Variants in RCBTB2 observed in about 807,000 individuals in gnomAD.
RCBTB2 encodes RCC1 and BTB domain containing protein 2, also known as RCC1 and BTB domain-containing protein 2.
A neutral mutation model predicts 65.4 loss-of-function variants in RCBTB2; 55 were observed. The observed-to-expected ratio is 0.84, with a 90% CI of 0.68 to 1.05. RCBTB2 has a LOEUF of 1.05. RCBTB2 is among the 50% of genes least tolerant of loss of function. The pLI is 0.00. For synonymous variants in RCBTB2, 220 were observed against 255.2 expected, an observed-to-expected ratio of 0.86 and a Z score of 1.31; for missense variants, 599 against 680.1, an observed-to-expected ratio of 0.88 and a Z score of 1.33.
intron 14 of RCBTB2, among the ~76,000 whole-genome samples, chr13:48,493,866 G>A (rs1423826611): frequency 2.0e-5 from 3 of 152,122 alleles, no homozygotes; most frequent in Non-Finnish European, 4.4e-5. Flanking sequence ...TGAGAGCAGA[G>A]ATTTTGGATT....
chr13:48,506,548 C>G (rs970860542), intron 10 of RCBTB2, among the ~76,000 whole-genome samples: 1 of 152,072 alleles, frequency 6.6e-6, no homozygotes. Flanking sequence ...GAAGGTGGCC[C>G]AGGGGATGAG....
chr13:48,504,323 A>G (rs1950384215), intron 10 of RCBTB2: 3 of 985,310 alleles, frequency 3.0e-6, no homozygotes, highest in South Asian at 9.4e-5. Context: ...GACACAAGAC[A>G]TAACTCCATC....
upstream of RCBTB2, among the ~76,000 whole-genome samples, chr13:48,534,103 A>G (rs1952317769): frequency 1.3e-5 from 2 of 152,358 alleles, no homozygotes; most frequent in South Asian, 4.1e-4. Context: ...TAGCCCACTG[A>G]GCCTCAGAAG....
At chr13:48,493,340 C>CTCTCTCTCT (rs756141334) in intron 14 of RCBTB2, among the ~76,000 whole-genome samples, 7 of 123,646 alleles carry the variant, frequency 5.7e-5, no homozygotes, top group Non-Finnish European at 1.2e-4. Flanking sequence ...CTCTCTCTCT[C>CTCTCTCTCT]TTCTCTTCTC....
At position 48,501,880 on chromosome 13, in the gene RCBTB2, A is replaced by G; in HGVS notation, c.1118-12T>C. 6.2e-7 allele frequency: 1 copy of G among 1,612,650 alleles called. No homozygotes were observed. The highest frequency in any genetic ancestry group is 8.5e-7 in the Non-Finnish European group (1 of 1,179,374). ...GTGGTCATCAGGTTCTAGGAGAATA[A>G]TGCAAATGCTTCCAGAGTTAGCTAC... On this transcript the variant is annotated splice_polypyrimidine_tract_variant and intron_variant, in intron 11 of 14. Transcript: ENST00000344532.
intron 1 of RCBTB2, among the ~76,000 whole-genome samples, chr13:48,529,035 A>C (rs1951958619): frequency 6.6e-6 from 1 of 152,226 alleles, no homozygotes; most frequent in African/African-American, 2.4e-5. Context: ...TTCAGTACAA[A>C]GCAAAGCGGT....
At chr13:48,505,277 T>C (rs2138487092) in intron 10 of RCBTB2, among the ~76,000 whole-genome samples, 1 of 152,322 alleles carries the variant, frequency 6.6e-6, no homozygotes, top group East Asian at 1.9e-4. Context: ...AATGGTTGCA[T>C]GACAATAGAG....
chr13:48,516,995 A>G (rs551785170), intron 4 of RCBTB2, among the ~76,000 whole-genome samples: 2 of 152,332 alleles, frequency 1.3e-5, no homozygotes, highest in Admixed American at 1.3e-4. Flanking sequence ...CCCATCAGTT[A>G]TTAAATCAAC....
chr13:48,530,585 TAC>T (rs545266097), intron 1 of RCBTB2, among the ~76,000 whole-genome samples: 204 of 152,366 alleles, frequency 1.3e-3, no homozygotes, highest in African/African-American at 4.8e-3. Flanking sequence ...GCTCCTCTCC[TAC>T]ACAGTTTCAA....
chr13:48,493,289 C>CCACACACACACACA (rs1237098435), intron 14 of RCBTB2, among the ~76,000 whole-genome samples: 13 of 102,350 alleles, frequency 1.3e-4, no homozygotes, highest in African/African-American at 7.1e-4. Context: ...CTCTCTCTCT[C>CCACACACACACACA]CACACACACA....
chr13:48,511,421 T>C (rs1950789273), intron 9 of RCBTB2, among the ~76,000 whole-genome samples: 1 of 152,206 alleles, frequency 6.6e-6, no homozygotes, highest in South Asian at 2.1e-4. Context: ...TTTATATGTA[T>C]ATGTATCTTC....
chr13:48,498,938 T>C (rs1451679449), intron 13 of RCBTB2, among the ~76,000 whole-genome samples: 1 of 152,072 alleles, frequency 6.6e-6, no homozygotes, highest in Non-Finnish European at 1.5e-5. Flanking sequence ...CAGCAACCTC[T>C]TTAAAATATA....
chr13:48,493,865 A>C (rs997863439), intron 14 of RCBTB2, among the ~76,000 whole-genome samples: 3 of 152,082 alleles, frequency 2.0e-5, no homozygotes, highest in Non-Finnish European at 2.9e-5. Flanking sequence ...ATGAGAGCAG[A>C]GATTTTGGAT....
chr13:48,530,990 T>G (rs1952085714), intron 1 of RCBTB2, among the ~76,000 whole-genome samples: 1 of 152,242 alleles, frequency 6.6e-6, no homozygotes, highest in African/African-American at 2.4e-5. Context: ...ACCTTTGGTT[T>G]ATCCTTCAGA....
intron 7 of RCBTB2, 42 bp from the exon 8 acceptor site, chr13:48,512,216 T>C: frequency 6.4e-7 from 1 of 1,565,440 alleles, no homozygotes; most frequent in Non-Finnish European, 8.8e-7. Context: ...GATTAATTTA[T>C]AAACTGTCTC....
intron 6 of RCBTB2, 23 bp from the exon 7 acceptor site, chr13:48,512,918 T>C: frequency 6.3e-7 from 1 of 1,594,026 alleles, no homozygotes; most frequent in South Asian, 1.1e-5. Flanking sequence ...AGAAAGACAA[T>C]CAGTTTTTTA....
chr13:48,492,922 G>A (rs547544590), intron 14 of RCBTB2, among the ~76,000 whole-genome samples: 1 of 151,966 alleles, frequency 6.6e-6, no homozygotes, highest in Admixed American at 6.6e-5. Flanking sequence ...TTTCCATTTG[G>A]ATGTCTAATA....
At chr13:48,510,222 C>A (rs6561449) in intron 10 of RCBTB2, among the ~76,000 whole-genome samples, 2 of 152,132 alleles carry the variant, frequency 1.3e-5, no homozygotes, top group African/African-American at 4.8e-5. Flanking sequence ...AGCTGAGTGA[C>A]CAGCTTTATA....
chr13:48,502,989 T>G (rs1950315051), intron 10 of RCBTB2, 75 bp from the exon 11 acceptor site: 6 of 1,401,140 alleles, frequency 4.3e-6, no homozygotes, highest in Non-Finnish European at 5.7e-6. Flanking sequence ...CCCGCCAGGT[T>G]TAACTGATGT....
Sources: gnomAD v4.1 joint callset for allele counts (sites outside exome capture counted in the v4.1 genomes callset) on GRCh38, gnomAD v4.1.1 for gene constraint, MANE v1.5 for transcripts, NCBI Gene and HGNC (gene_info 2026-07-23, HGNC 2026-07-21) for gene names.